Variants in PCDHA7 observed in about 807,000 individuals in gnomAD.
PCDHA7 encodes the protein protocadherin alpha-7.
PCDHA7 carries 37 observed loss-of-function variants against 57.2 expected under a neutral mutation model. That is an observed-to-expected ratio of 0.65 (90% CI 0.50 to 0.85). The LOEUF (loss-of-function observed/expected upper bound fraction) is 0.85. Ranked by LOEUF, PCDHA7 falls within the 40% of genes least tolerant of loss-of-function variation. PCDHA7 has a pLI of 0.00. For missense variants in PCDHA7, 1,188 were observed against 1,241.8 expected (o/e 0.96, Z 0.65); for synonymous variants, 553 against 558.8 (o/e 0.99, Z 0.15).
intron 3 of PCDHA7, among the ~76,000 whole-genome samples, chr5:141,003,397 C>T (rs370088269): frequency 2.0e-5 from 3 of 152,086 alleles, no homozygotes; most frequent in African/African-American, 4.8e-5. Flanking sequence ...CTGAAACCTC[C>T]GCCTCCCGGG....
In PCDHA7 at chr5:140,987,224, A is replaced by AAT. The variant is rs1554248891; in HGVS notation, c.2503+4662_2503+4663insTA. Among the ~76,000 whole-genome samples, 91 of 152,046 alleles carry AAT rather than the reference A, an allele frequency of 6.0e-4. 1 individual carries two copies. Among genetic ancestry groups the AAT allele is most frequent in the African/African-American group, 2.0e-3 (84 of 41,424 alleles). ...GTGAGACTCCATCTCAAAAAAAAAA[A>AAT]AAATAATAAATAAAGAAAGAAAGAC... On this transcript the variant is annotated intron_variant, in intron 3 of 3. Coordinates refer to ENST00000525929, the MANE Select transcript of PCDHA7 (RefSeq NM_018910.3).
chr5:140,880,978 T>A lies in PCDHA7; in HGVS notation c.2355+44240T>A, dbSNP rs570855539. Among the ~76,000 whole-genome samples the A allele has an allele frequency of 3.6e-4, 55 of 152,312 alleles. No individual in the cohort carries two copies. The South Asian group carries it at 9.1e-3, about 25-fold the overall frequency. On this transcript the variant is annotated intron_variant, in intron 1 of 3. Coordinates refer to ENST00000525929, the MANE Select transcript of PCDHA7 (RefSeq NM_018910.3). ...ATGAGGGTAAGAGAATACCAAATACTCTGCCTAAATTTTCAGAGGAGAGCA... is the reference window on the plus strand; with the variant it reads ...ATGAGGGTAAGAGAATACCAAATACACTGCCTAAATTTTCAGAGGAGAGCA...
Position 140,980,554 on chromosome 5 carries a change from C to T in PCDHA7, c.2414+1547C>T, listed in dbSNP as rs1283128844. Among the ~76,000 whole-genome samples, 9 of 152,008 alleles carry T rather than the reference C, an allele frequency of 5.9e-5. No individual in the cohort carries two copies. The South Asian group carries it at 1.5e-3, about 25-fold the overall frequency. On this transcript the variant is annotated intron_variant, in intron 2 of 3. Transcript: ENST00000525929. ...CTGAGGCAGGAGAATCGCTTGAACC[C>T]GGGAGGCGGAAGTTGCAGTGAGCCA...
At position 140,850,458 on chromosome 5, in the gene PCDHA7, G is replaced by T. The variant is rs150924900; in HGVS notation, c.2355+13720G>T. 34 of 1,597,834 alleles carry T rather than the reference G, an allele frequency of 2.1e-5. 2 individuals carry two copies. In the African/African-American group the frequency reaches 4.4e-4, roughly 21 times the overall value. On this transcript the variant is annotated intron_variant, in intron 1 of 3. Transcript: ENST00000525929. ...CCTACTGGTGCTGGTGAAAGACCAC[G>T]GGGAGCCAGCGCTGACGGCCACGGC...
In PCDHA7 at chr5:140,856,541, G is replaced by A. The variant is rs1554148841; in HGVS notation, c.2355+19803G>A. The A allele has an allele frequency of 2.5e-6, 4 of 1,598,164 alleles. 1 individual carries two copies. The highest frequency in any genetic ancestry group is 3.4e-6 in the Non-Finnish European group (4 of 1,167,670). On this transcript the variant is annotated intron_variant, in intron 1 of 3. Transcript: ENST00000525929. ...ATCTGATGCGGATGTTGGAGAGAACGCATTGCTTACTTACAAACTCAGTCC... is the reference window on the plus strand; with the variant it reads ...ATCTGATGCGGATGTTGGAGAGAACACATTGCTTACTTACAAACTCAGTCC...
At chr5:140,902,051 A>G (rs998360115) in intron 1 of PCDHA7, among the ~76,000 whole-genome samples, 2 of 152,100 alleles carry the variant, frequency 1.3e-5, no homozygotes, top group African/African-American at 4.8e-5. Context: ...TTGATTTTGT[A>G]TCCTGCAACT....
Position 140,856,345 on chromosome 5 carries a change from G to C in PCDHA7, c.2355+19607G>C, listed in dbSNP as rs1347690443. The C allele has an allele frequency of 8.8e-6, 14 of 1,598,640 alleles. 1 individual carries two copies. The highest frequency in any genetic ancestry group is 1.2e-5 in the Non-Finnish European group (14 of 1,168,012). ...GCGAGGAGCTGTGCGGGCGGAGCGT[G>C]GAGTGCAGCATCCACCTGGAGGTGA... is the stretch of plus-strand genomic sequence containing the variant. On this transcript the variant is annotated intron_variant, in intron 1 of 3. Transcript: ENST00000525929.
chr5:140,928,105 C>T, intron 1 of PCDHA7: 6 of 1,614,150 alleles, frequency 3.7e-6, no homozygotes, highest in Middle Eastern at 1.6e-4. Flanking sequence ...GCCCCTGGAC[C>T]GGGAGCAGAT....
intron 1 of PCDHA7, among the ~76,000 whole-genome samples, chr5:140,912,818 A>T (rs2076075875): frequency 6.6e-6 from 1 of 152,052 alleles, no homozygotes; most frequent in South Asian, 2.1e-4. Context: ...TCATAAAGGG[A>T]TTTTGAATTT....
chr5:140,882,705 G>T, intron 1 of PCDHA7: 1 of 1,614,172 alleles, frequency 6.2e-7, no homozygotes, highest in South Asian at 1.1e-5. Flanking sequence ...GCAGAATCTA[G>T]ACCTCCGGAA....
At chr5:141,001,388 TAC>T (rs1234412755) in intron 3 of PCDHA7, among the ~76,000 whole-genome samples, 4 of 152,238 alleles carry the variant, frequency 2.6e-5, no homozygotes, top group Non-Finnish European at 5.9e-5. Flanking sequence ...CCTAAGATCC[TAC>T]AGAGAACAGG....
chr5:140,857,702 G>T (rs2044803207), intron 1 of PCDHA7: 1 of 1,597,298 alleles, frequency 6.3e-7, no homozygotes, highest in African/African-American at 1.3e-5. Flanking sequence ...GACGCTGCAG[G>T]TGTTCGTGCT....
chr5:140,862,503 A>T (rs2047399158), intron 1 of PCDHA7: 5 of 398,958 alleles, frequency 1.3e-5, no homozygotes, highest in Non-Finnish European at 2.5e-5. Context: ...CGGAATGGGG[A>T]CTCGCTTTCA....
intron 3 of PCDHA7, among the ~76,000 whole-genome samples, chr5:141,005,998 G>A (rs1289174174): frequency 1.3e-5 from 2 of 151,618 alleles, no homozygotes; most frequent in Non-Finnish European, 2.9e-5. Flanking sequence ...GGATCTGAAA[G>A]AAGGCCTGTA....
chr5:140,877,515 G>A (rs371100299), intron 1 of PCDHA7: 177 of 1,613,796 alleles, frequency 1.1e-4, no homozygotes, highest in Admixed American at 4.8e-4. Context: ...CGTCGTCGCG[G>A]GCCTCAGTGG....
At position 140,848,656 on chromosome 5, in the gene PCDHA7, TGGAGCTGGC is replaced by T. The variant is rs2150416289; in HGVS notation, c.2355+11927_2355+11935del. 5 of 1,592,712 alleles carry T rather than the reference TGGAGCTGGC, an allele frequency of 3.1e-6. 1 individual carries two copies. Among genetic ancestry groups the T allele is most frequent in the Admixed American group, 3.4e-5 (2 of 59,208 alleles). ...GGCCGCATCGCGCAGGACCTGGGGC[TGGAGCTGGC>T]GGAGCTGGTGCCGCGCCTGTTCCAG... On this transcript the variant is annotated intron_variant, in intron 1 of 3. Coordinates refer to ENST00000525929, the MANE Select transcript of PCDHA7 (RefSeq NM_018910.3).
chr5:140,877,850 A>C (rs782804856), intron 1 of PCDHA7: 1 of 1,546,004 alleles, frequency 6.5e-7, no homozygotes, highest in South Asian at 1.3e-5. Context: ...GTAAGTTATT[A>C]ATATTATTTA....
chr5:140,843,688 A>T lies in PCDHA7; in HGVS notation c.2355+6950A>T, dbSNP rs181500612. 24 of 1,588,306 alleles carry T rather than the reference A, an allele frequency of 1.5e-5. 1 individual carries two copies. In the East Asian group the frequency reaches 4.7e-4, roughly 31 times the overall value. On this transcript the variant is annotated intron_variant, in intron 1 of 3. Transcript: ENST00000525929. The stretch of plus-strand genomic sequence containing the variant: ...GATCAGTTGATGTAGGCGAAGAGCA[A>T]GATTTAAATGTTGATCATGGCCTCA...
At chr5:140,850,542 T>G (rs1554144492) in intron 1 of PCDHA7, 1 of 1,597,608 alleles carries the variant, frequency 6.3e-7, no homozygotes, top group Non-Finnish European at 8.6e-7. Flanking sequence ...GTCGCGGGCG[T>G]CAGTGGGTGC....
Sources: gnomAD v4.1 joint callset for allele counts (sites outside exome capture counted in the v4.1 genomes callset) on GRCh38, gnomAD v4.1.1 for gene constraint, MANE v1.5 for transcripts, NCBI Gene and HGNC (gene_info 2026-07-23, HGNC 2026-07-21) for gene names.